Variants in ZNF555 observed in about 807,000 individuals in gnomAD.
The protein encoded by ZNF555 is zinc finger protein 555.
Under a neutral mutation model 14.0 loss-of-function variants are expected in ZNF555, and 10 were observed. The ratio of observed to expected loss-of-function variants is 0.72; its 90% CI spans 0.44 to 1.21. The LOEUF (loss-of-function observed/expected upper bound fraction) is 1.21, where lower values mean the gene tolerates loss of function less well. ZNF555 is among the 50% of genes most tolerant of loss of function. The pLI, the probability that ZNF555 is intolerant of heterozygous loss-of-function variation, is 0.00. For missense variants in ZNF555, 747 were observed against 762.0 expected, an observed-to-expected ratio of 0.98 and a Z score of 0.23; for synonymous variants, 277 against 262.4, an observed-to-expected ratio of 1.06 and a Z score of -0.54.
rs946772485 is a variant in ZNF555, at chr19:2,852,493, A to G, written c.428A>G (p.Tyr143Cys). The change falls in exon 4 of 4, where the codon TAT becomes TGT. Residue 143 changes from tyrosine to cysteine, a missense_variant. Tyr to Cys is a radical substitution (Grantham distance 194). Transcript: ENST00000334241. ...YKKIPPGVKQYEYNTYGKVFM... is the reference protein window; with the variant it reads ...YKKIPPGVKQCEYNTYGKVFM... ...AAAATTCCACCTGGAGTAAAACAGT[A>G]TGAATACAACACGTACGGAAAAGTC... The G allele has an allele frequency of 2.5e-6, 4 of 1,614,044 alleles. No individual in the cohort carries two copies. The highest frequency in any genetic ancestry group is 2.7e-5 in the African/African-American group (2 of 74,940).
At position 2,855,387 on chromosome 19, in the gene ZNF555, C is replaced by T. The variant is rs567086526; in HGVS notation, c.*1435C>T. ...TTAACATGGTGAAACCCTGTCTCTA[C>T]TAAAAACACAAAAATTAGCCAGGCA... is the stretch of plus-strand genomic sequence containing the variant. On this transcript the variant is annotated 3_prime_UTR_variant, in exon 4 of 4. Transcript: ENST00000334241. 122 of 152,114 alleles carry T rather than the reference C, an allele frequency of 8.0e-4. 1 individual carries two copies. The highest frequency in any genetic ancestry group is 2.8e-3 in the African/African-American group (116 of 41,484). 9.4% of individuals were successfully genotyped at this position (152,114 alleles called of 1,614,324 possible). A position where few individuals can be genotyped will look rare whatever the true frequency, so the allele number is the denominator to read the frequency against.
chr19:2,843,681 T>C (rs978796824), intron 1 of ZNF555, among the ~76,000 whole-genome samples: 3 of 152,212 alleles, frequency 2.0e-5, no homozygotes, highest in Non-Finnish European at 4.4e-5. Flanking sequence ...ACCCTTACCT[T>C]AATTCTATAA....
rs1333168775 is a variant in ZNF555 at position 2,859,330 on chromosome 19, G to C, written c.*5378G>C. 1 of 152,272 alleles carries C rather than the reference G, an allele frequency of 6.6e-6. No individual in the cohort carries two copies. The highest frequency in any genetic ancestry group is 1.5e-5 in the Non-Finnish European group (1 of 68,128). 9.4% of individuals were successfully genotyped at this position (152,272 alleles called of 1,614,324 possible). A position where few individuals can be genotyped will look rare whatever the true frequency, so the allele number is the denominator to read the frequency against. On this transcript the variant is annotated 3_prime_UTR_variant, in exon 4 of 4. Coordinates refer to ENST00000334241, the MANE Select transcript of ZNF555 (RefSeq NM_152791.5). ...TTCAGCTTCCGGTGTGGTGGGTCCC[G>C]GATATCGCGTGGCTGTGGCAGGTAG...
chr19:2,850,659 A>T lies in ZNF555; in HGVS notation c.76A>T (p.Arg26Trp), dbSNP rs758412312. 2 of 1,614,020 alleles carry T rather than the reference A, an allele frequency of 1.2e-6. No homozygotes were observed. The highest frequency in any genetic ancestry group is 1.7e-6 in the Non-Finnish European group (2 of 1,179,940). ...GTGGGCTTTGCTGGATTCTGCTCAG[A>T]GGGACCTCTACAGAGATGTGATGCT... ...EEWALLDSAQ[R>W]DLYRDVMLET... Residue 26 changes from arginine (R) to tryptophan (W), a missense_variant, in exon 2 of 4, where the codon AGG (arginine) becomes TGG (tryptophan). By Grantham distance (101) the Arg-to-Trp change is moderately radical. Coordinates refer to ENST00000334241, the MANE Select transcript of ZNF555 (RefSeq NM_152791.5).
intron 2 of ZNF555, among the ~76,000 whole-genome samples, chr19:2,851,023 G>T (rs566093080): frequency 6.8e-6 from 1 of 147,108 alleles, no homozygotes; most frequent in Non-Finnish European, 1.5e-5. Flanking sequence ...TTTTGAGATG[G>T]AGTCTCACTC....
At position 2,859,447 on chromosome 19, in the gene ZNF555, C is replaced by A. The variant is rs1393984728; in HGVS notation, c.*5495C>A. On this transcript the variant is annotated 3_prime_UTR_variant, in exon 4 of 4. Transcript: ENST00000334241. ...GGAAGGACCCTGATGGTCCGAGGGA[C>A]CTTCCACAGCAAGTAGAAGGCACTG... The A allele has an allele frequency of 1.3e-5, 2 of 152,040 alleles. No individual in the cohort carries two copies. Among genetic ancestry groups the A allele is most frequent in the Non-Finnish European group, 2.9e-5 (2 of 68,032 alleles). 9.4% of individuals were successfully genotyped at this position (152,040 alleles called of 1,614,324 possible).
chr19:2,852,417 G>A lies in ZNF555; in HGVS notation c.352G>A (p.Asp118Asn), dbSNP rs1381976901. The A allele has an allele frequency of 1.9e-6, 3 of 1,614,028 alleles. No individual in the cohort carries two copies. The highest frequency in any genetic ancestry group is 2.5e-6 in the Non-Finnish European group (3 of 1,180,036). ...HGLERLCESN[D>N]QCGEALSQIP... is the part of the protein sequence containing the mutation. Reference sequence around the variant, plus strand: ...GTTGGAGAGACTCTGTGAAAGTAATGATCAATGTGGAGAAGCCCTCAGCCA... The same window carrying A: ...GTTGGAGAGACTCTGTGAAAGTAATAATCAATGTGGAGAAGCCCTCAGCCA... The change falls in exon 4 of 4, where the codon GAT becomes AAT. Residue 118 changes from aspartate to asparagine, a missense_variant. Transcript: ENST00000334241.
rs1325069888 is a variant in ZNF555 at position 2,856,486 on chromosome 19, TG to T, written c.*2535del. The T allele has an allele frequency of 3.9e-5, 6 of 152,366 alleles. No homozygotes were observed. The highest frequency in any genetic ancestry group is 1.4e-4 in the African/African-American group (6 of 41,590). 9.4% of individuals were successfully genotyped at this position (152,366 alleles called of 1,614,324 possible). On this transcript the variant is annotated 3_prime_UTR_variant, in exon 4 of 4. Coordinates refer to ENST00000334241, the MANE Select transcript of ZNF555 (RefSeq NM_152791.5). ...TCCCAAAGTGTTGGGATTACAGGCA[TG>T]AGCCACCACACCCGGCCTAAAATGA...
At chr19:2,844,133 A>C (rs1188661693) in intron 1 of ZNF555, among the ~76,000 whole-genome samples, 373 of 82,258 alleles carry the variant, frequency 4.5e-3, no homozygotes, top group African/African-American at 5.1e-3. Context: ...AGGGAGTTTC[A>C]CCCTTTTCGC....
chr19:2,858,872 C>T lies in ZNF555; in HGVS notation c.*4920C>T, dbSNP rs2144865902. On this transcript the variant is annotated 3_prime_UTR_variant, in exon 4 of 4. Coordinates refer to ENST00000334241, the MANE Select transcript of ZNF555 (RefSeq NM_152791.5). ...ACCTATAAGCGGGCAAACAGGCACTCCTCCTCACTGTCCAGTCACCTGACG... is the reference window on the plus strand; with the variant it reads ...ACCTATAAGCGGGCAAACAGGCACTTCTCCTCACTGTCCAGTCACCTGACG... 1 of 152,424 alleles carries T rather than the reference C, an allele frequency of 6.6e-6. No individual in the cohort carries two copies. The highest frequency in any genetic ancestry group is 2.1e-4 in the South Asian group (1 of 4,820). 9.4% of individuals were successfully genotyped at this position (152,424 alleles called of 1,614,324 possible).
chr19:2,847,925 G>C (rs2087595215), intron 1 of ZNF555, among the ~76,000 whole-genome samples: 1 of 152,170 alleles, frequency 6.6e-6, no homozygotes, highest in Non-Finnish European at 1.5e-5. Context: ...GAACACTCCA[G>C]CCTTTTTTTT....
At chr19:2,843,220 C>T (rs954561487) in intron 1 of ZNF555, among the ~76,000 whole-genome samples, 2 of 152,124 alleles carry the variant, frequency 1.3e-5, no homozygotes, top group Non-Finnish European at 1.5e-5. Flanking sequence ...CTGGAGTGCA[C>T]TGGTGCGATC....
At chr19:2,852,251 A>G in intron 3 of ZNF555, 129 bp from the exon 4 acceptor site, 2 of 1,111,710 alleles carry the variant, frequency 1.8e-6, no homozygotes, top group Non-Finnish European at 2.5e-6. Flanking sequence ...AGTTTATTTC[A>G]TTTTCAGACA....
chr19:2,857,941 C>T lies in ZNF555; in HGVS notation c.*3989C>T, dbSNP rs2087697911. 1 of 152,216 alleles carries T rather than the reference C, an allele frequency of 6.6e-6. No individual in the cohort carries two copies. The highest frequency in any genetic ancestry group is 2.4e-5 in the African/African-American group (1 of 41,436). The allele number at this position is 152,216 out of a possible 1,614,324, so 9.4% of individuals were successfully genotyped here. On this transcript the variant is annotated 3_prime_UTR_variant, in exon 4 of 4. Transcript: ENST00000334241. ...CGGTGACTCATGCCTGTAATCTCAACATTTTGGGAGACTGAGGCAAGAGGA... is the reference window on the plus strand; with the variant it reads ...CGGTGACTCATGCCTGTAATCTCAATATTTTGGGAGACTGAGGCAAGAGGA...
Position 2,851,651 on chromosome 19 carries a change from G to A in ZNF555, c.314G>A (p.Ser105Asn), listed in dbSNP as rs773222692. 7.0e-6 allele frequency: 11 copies of A among 1,569,560 alleles called. No homozygotes were observed. Among genetic ancestry groups the A allele is most frequent in the Non-Finnish European group, 9.5e-6 (11 of 1,162,250 alleles). Residue 105 changes from serine (S) to asparagine (N), a missense_variant and splice_region_variant, in exon 3 of 4, where the codon AGT (serine) becomes AAT (asparagine). Coordinates refer to ENST00000334241, the MANE Select transcript of ZNF555 (RefSeq NM_152791.5). ...DQTTNQGRNL[S>N]RNHGLERLCE... The stretch of plus-strand genomic sequence containing the variant: ...ACCACAAACCAGGGGAGAAATCTCA[G>A]GTGAGTTGCACTCACAAGAGAACAT...
At chr19:2,849,816 A>G (rs909872378) in intron 1 of ZNF555, among the ~76,000 whole-genome samples, 2 of 152,066 alleles carry the variant, frequency 1.3e-5, no homozygotes, top group South Asian at 4.1e-4. Context: ...GCTCTGGTGA[A>G]AAGAGCTGTT....
intron 1 of ZNF555, among the ~76,000 whole-genome samples, chr19:2,849,755 T>TG (rs1257021000): frequency 6.6e-6 from 1 of 152,050 alleles, no homozygotes. Context: ...CCCAAAGTGC[T>TG]GGGGTTACAG....
rs368546293 is a variant in ZNF555 at position 2,849,227 on chromosome 19, C to T, written c.4-1360C>T. Among the ~76,000 whole-genome samples the T allele has an allele frequency of 3.8e-4, 57 of 151,876 alleles. No individual in the cohort carries two copies. In the South Asian group the frequency reaches 4.2e-3, roughly 11 times the overall value. On this transcript the variant is annotated intron_variant, in intron 1 of 3. Transcript: ENST00000334241. Reference sequence around the variant, plus strand: ...TCTTTCTCAGCAGGTTTGAGGGAACCGTGCATCTCGGGGGTTCCATGCACC... The same window carrying T: ...TCTTTCTCAGCAGGTTTGAGGGAACTGTGCATCTCGGGGGTTCCATGCACC...
chr19:2,855,556 C>G lies in ZNF555; in HGVS notation c.*1604C>G, dbSNP rs1416731985. 1 of 151,198 alleles carries G rather than the reference C, an allele frequency of 6.6e-6. No homozygotes were observed. Among genetic ancestry groups the G allele is most frequent in the Non-Finnish European group, 1.5e-5 (1 of 67,806 alleles). The allele number at this position is 151,198 out of a possible 1,614,324, so 9.4% of individuals were successfully genotyped here. The stretch of plus-strand genomic sequence containing the variant: ...ACGGGGAAAGACTCCATCACACAAG[C>G]AAGAAAAGAAAAAAAAATCCTATTT... On this transcript the variant is annotated 3_prime_UTR_variant, in exon 4 of 4. Coordinates refer to ENST00000334241, the MANE Select transcript of ZNF555 (RefSeq NM_152791.5).
Sources: allele counts gnomAD v4.1 joint callset (sites outside exome capture counted in the v4.1 genomes callset), GRCh38; gene constraint gnomAD v4.1.1; transcripts MANE v1.5; gene names NCBI Gene and HGNC (gene_info 2026-07-23, HGNC 2026-07-21).